The following RIPOR2 variants were observed in gnomAD, a reference collection of about 807,000 sequenced individuals.
RIPOR2 encodes the protein rho family-interacting cell polarization regulator 2.
Under a neutral mutation model 114.5 loss-of-function variants are expected in RIPOR2, and 39 were observed. The ratio of observed to expected loss-of-function variants is 0.34; its 90% CI spans 0.26 to 0.44. The LOEUF is 0.44. Ranked by LOEUF, RIPOR2 falls within the 20% of genes least tolerant of loss-of-function variation. The pLI is 1.00. For synonymous variants in RIPOR2, 445 were observed against 484.4 expected (o/e 0.92, Z 1.07); for missense variants, 1,007 against 1,255.1 (o/e 0.80, Z 2.99).
At position 24,849,945 on chromosome 6, in the gene RIPOR2, C is replaced by T. The variant is rs376557443; in HGVS notation, c.891G>A (p.Thr297=). 1.1e-5 allele frequency: 18 copies of T among 1,613,210 alleles called. No homozygotes were observed. Among genetic ancestry groups the T allele is most frequent in the Admixed American group, 6.7e-5 (4 of 59,930 alleles). ...LIVGFISIKV[T]ELKGLATHIL... is the part of the protein sequence containing the mutation. ...TGTGAGTTGCTAGCCCTTTGAGCTC[C>T]GTGACCTAGCAGAGAGAGTGGGAGA... is the stretch of plus-strand genomic sequence containing the variant. The change falls in exon 11 of 22, where the codon ACG becomes ACA. Residue 297 remains threonine (T), a synonymous_variant. Transcript: ENST00000643898.
intron 1 of RIPOR2, chr6:25,015,908 T>TTTAAGGAGTC (rs1775965061): frequency 7.2e-6 from 1 of 138,646 alleles, no homozygotes; most frequent in Non-Finnish European, 1.6e-5. Flanking sequence ...TTTTTTTTTT[T>TTTAAGGAGTC]TTTTTTTTTT....
chr6:24,930,437 G>A (rs756375372), intron 1 of RIPOR2, among the ~76,000 whole-genome samples: 4 of 152,194 alleles, frequency 2.6e-5, no homozygotes, highest in Non-Finnish European at 5.9e-5. Context: ...GCATTGGCCT[G>A]ATCTAAACAG....
In RIPOR2 at chr6:24,834,800, C is replaced by G. The variant is rs151314003; in HGVS notation, c.2208+903G>C. ...CACCACACCTGACTAATTTTTGTAT[C>G]TTTTGTAGAGATGAGGTTTCACTCT... is the stretch of plus-strand genomic sequence containing the variant. On this transcript the variant is annotated intron_variant, in intron 15 of 21. Coordinates refer to ENST00000643898, the MANE Select transcript of RIPOR2 (RefSeq NM_001286445.3). Among the ~76,000 whole-genome samples, 103 of 152,194 alleles carry G rather than the reference C, an allele frequency of 6.8e-4. 1 individual carries two copies. The highest frequency in any genetic ancestry group is 2.4e-3 in the African/African-American group (98 of 41,540).
chr6:24,962,501 G>A (rs931974948), intron 1 of RIPOR2, among the ~76,000 whole-genome samples: 3 of 152,096 alleles, frequency 2.0e-5, no homozygotes, highest in Admixed American at 1.3e-4. Context: ...ACTATGAGAA[G>A]AATATTCACT....
Position 24,905,066 on chromosome 6 carries a change from C to T in RIPOR2, c.62-29249G>A, listed in dbSNP as rs61416154. 3.9e-3 allele frequency among the ~76,000 whole-genome samples: 592 copies of T among 152,248 alleles called. 5 individuals are homozygous for T. The highest frequency in any genetic ancestry group is 0.013 in the African/African-American group (555 of 41,522). On this transcript the variant is annotated intron_variant, in intron 1 of 21. Transcript: ENST00000643898. ...TTGGGATTACAGGTGTAAGCCACCG[C>T]GCCCGGCCAGTGTATAGCTTCTTGA...
chr6:24,891,847 C>T (rs2113972940), intron 1 of RIPOR2, among the ~76,000 whole-genome samples: 1 of 152,156 alleles, frequency 6.6e-6, no homozygotes, highest in South Asian at 2.1e-4. Context: ...GGAGTTACAT[C>T]CATTCTTATT....
At chr6:24,991,693 C>T (rs66827126) in intron 1 of RIPOR2, among the ~76,000 whole-genome samples, 40,810 of 152,020 alleles carry the variant, frequency 0.27, 5,928 homozygotes, top group Middle Eastern at 0.35. Context: ...ATTAGGTGGC[C>T]ACCAAAACTG....
chr6:24,937,495 C>G (rs1431481778), upstream of RIPOR2, among the ~76,000 whole-genome samples: 2 of 152,104 alleles, frequency 1.3e-5, no homozygotes, highest in Admixed American at 6.5e-5. Context: ...TTTACCACCC[C>G]CTACCATGAT....
chr6:25,002,893 C>T (rs1165548258), intron 1 of RIPOR2, among the ~76,000 whole-genome samples: 1 of 152,100 alleles, frequency 6.6e-6, no homozygotes, highest in Non-Finnish European at 1.5e-5. Context: ...GTGGTTCGTC[C>T]GAAGTTGCAG....
intron 1 of RIPOR2, among the ~76,000 whole-genome samples, chr6:24,969,563 A>T (rs1003846254): frequency 6.6e-6 from 1 of 152,186 alleles, no homozygotes; most frequent in South Asian, 2.1e-4. Flanking sequence ...TGAGGCCCCA[A>T]TGTGCAAACT....
chr6:25,019,374 T>G (rs1776180257), intron 1 of RIPOR2, among the ~76,000 whole-genome samples: 1 of 151,472 alleles, frequency 6.6e-6, no homozygotes, highest in East Asian at 1.9e-4. Context: ...GTATGCCCTT[T>G]GATTTATACT....
chr6:25,001,684 TTC>T (rs1775328454), intron 1 of RIPOR2, among the ~76,000 whole-genome samples: 1 of 149,608 alleles, frequency 6.7e-6, no homozygotes, highest in Non-Finnish European at 1.5e-5. Flanking sequence ...GGGCCTTACT[TTC>T]TTTTTCCTTT....
At chr6:24,892,894 T>C (rs1767506108) in intron 1 of RIPOR2, among the ~76,000 whole-genome samples, 1 of 152,182 alleles carries the variant, frequency 6.6e-6, no homozygotes, top group African/African-American at 2.4e-5. Flanking sequence ...AGATATTAGA[T>C]GATAATTTGC....
intron 1 of RIPOR2, chr6:24,911,077 T>TGGCGGAGCGCGGAGCTAGAGC (rs1769526642): frequency 5.7e-6 from 4 of 696,640 alleles, no homozygotes; most frequent in Admixed American, 1.4e-4. Flanking sequence ...GGCGCGAGGG[T>TGGCGGAGCGCGGAGCTAGAGC]GGCGGAGCGC....
chr6:24,961,916 C>T (rs1245883155), intron 1 of RIPOR2, among the ~76,000 whole-genome samples: 8 of 152,096 alleles, frequency 5.3e-5, no homozygotes, highest in Non-Finnish European at 1.0e-4. Context: ...CATGAGCCAC[C>T]GCACCTCGCC....
At chr6:24,850,102 T>C (rs888723709) in intron 10 of RIPOR2, among the ~76,000 whole-genome samples, 152 bp from the exon 11 acceptor site, 3 of 148,260 alleles carry the variant, frequency 2.0e-5, no homozygotes, top group Admixed American at 6.7e-5. Context: ...TTTTTCTTTT[T>C]TTTTTTTTTT....
At position 24,834,585 on chromosome 6, in the gene RIPOR2, G is replaced by A. The variant is rs180878551; in HGVS notation, c.2208+1118C>T. Among the ~76,000 whole-genome samples the A allele has an allele frequency of 1.4e-4, 22 of 152,036 alleles. 1 individual carries two copies. The East Asian group carries it at 4.1e-3, about 28-fold the overall frequency. On this transcript the variant is annotated intron_variant, in intron 15 of 21. Transcript: ENST00000643898. Reference sequence around the variant, plus strand: ...TAGACAATTCAGCATGGTAGTACAGGTCTGCGTTCTGCATCTATGCCTACC... The same window carrying A: ...TAGACAATTCAGCATGGTAGTACAGATCTGCGTTCTGCATCTATGCCTACC...
chr6:24,936,391 C>G (rs554089148), upstream of RIPOR2, among the ~76,000 whole-genome samples: 9 of 152,324 alleles, frequency 5.9e-5, no homozygotes, highest in South Asian at 6.2e-4. Context: ...ATTTAGAGGA[C>G]AGAGCTTTTA....
At chr6:24,882,424 T>G (rs941760593) in intron 1 of RIPOR2, among the ~76,000 whole-genome samples, 1 of 152,222 alleles carries the variant, frequency 6.6e-6, no homozygotes, top group African/African-American at 2.4e-5. Flanking sequence ...GAGGCATTGA[T>G]TAACCTGTAA....
Sources: gnomAD v4.1 joint callset for allele counts (sites outside exome capture counted in the v4.1 genomes callset) on GRCh38, gnomAD v4.1.1 for gene constraint, MANE v1.5 for transcripts, NCBI Gene and HGNC (gene_info 2026-07-23, HGNC 2026-07-21) for gene names.